Variants in KBTBD2 observed in about 807,000 individuals in gnomAD.
KBTBD2 encodes kelch repeat and BTB domain-containing protein 2.
In KBTBD2, 17 loss-of-function variants were observed where a neutral mutation model predicts 57.1. The ratio of observed to expected loss-of-function variants is 0.30; its 90% confidence interval spans 0.20 to 0.45. The LOEUF is 0.45. Ranked by LOEUF, KBTBD2 falls within the 20% of genes least tolerant of loss-of-function variation. The probability of loss-of-function intolerance (pLI) is 1.00; values close to 1 mark genes in which losing one functional copy is unlikely to be tolerated. For synonymous variants in KBTBD2, 267 were observed against 262.7 expected (o/e 1.02, Z -0.16); for missense variants, 515 against 750.6 (o/e 0.69, Z 3.67).
intron 1 of KBTBD2, among the ~76,000 whole-genome samples, chr7:32,888,576 AAAAC>A (rs1231053246): frequency 1.3e-5 from 2 of 152,100 alleles, no homozygotes; most frequent in Non-Finnish European, 2.9e-5. Flanking sequence ...AAAAACCAAA[AAAAC>A]AAACACCTGG....
chr7:32,884,993 C>CATATAT (rs199650189), intron 1 of KBTBD2, among the ~76,000 whole-genome samples: 3 of 101,332 alleles, frequency 3.0e-5, no homozygotes, highest in South Asian at 3.4e-4. Context: ...TATATATACA[C>CATATAT]ATATATGTGT....
At chr7:32,889,523 C>T (rs531016814) in intron 1 of KBTBD2, among the ~76,000 whole-genome samples, 54 of 152,124 alleles carry the variant, frequency 3.5e-4, no homozygotes, top group Middle Eastern at 3.4e-3. Context: ...ATCACTTGAA[C>T]CCTGAAGGCG....
intron 1 of KBTBD2, among the ~76,000 whole-genome samples, chr7:32,884,976 G>GTATATATATATATACACATATATGTGTA (rs1198007414): frequency 1.5e-5 from 2 of 130,112 alleles, no homozygotes; most frequent in African/African-American, 6.3e-5. Context: ...GTATGTGTGT[G>GTATATATATATATACACATATATGTGTA]TATATATATA....
At chr7:32,873,041 C>T (rs1234490884) in intron 3 of KBTBD2, among the ~76,000 whole-genome samples, 1 of 152,134 alleles carries the variant, frequency 6.6e-6, no homozygotes, top group African/African-American at 2.4e-5. Context: ...TTATTAAGTA[C>T]TTAACAAATA....
intron 2 of KBTBD2, among the ~76,000 whole-genome samples, chr7:32,876,597 C>G (rs887782554): frequency 6.6e-6 from 1 of 152,148 alleles, no homozygotes; most frequent in Non-Finnish European, 1.5e-5. Context: ...AACTGGCTAT[C>G]AGGCTATGAC....
rs115428983 is a variant in KBTBD2, at chr7:32,890,819, C to T, written c.-339+717G>A. The stretch of plus-strand genomic sequence containing the variant: ...TCTACCTTTTGAGGCAGGTAGAGTT[C>T]TTAGATAGCTAAGCCCAAGGGAAAA... On this transcript the variant is annotated intron_variant, in intron 1 of 3. Transcript: ENST00000304056. 6.1e-3 allele frequency among the ~76,000 whole-genome samples: 936 copies of T among 152,248 alleles called. 7 individuals are homozygous for T. The highest frequency in any genetic ancestry group is 0.022 in the African/African-American group (904 of 41,538).
intron 1 of KBTBD2, among the ~76,000 whole-genome samples, chr7:32,887,722 A>G (rs1244831539): frequency 2.6e-5 from 4 of 152,236 alleles, no homozygotes; most frequent in South Asian, 2.1e-4. Context: ...GGCGTTCTCC[A>G]TGGAGGTCAA....
At position 32,875,165 on chromosome 7, in the gene KBTBD2, G is replaced by C; in HGVS notation, c.171-8C>G. ...CCACTCATAAACATGGCCCTACAGG[G>C]GAGATGAAGAAAACAAAGTTGTAAG... On this transcript the variant is annotated splice_polypyrimidine_tract_variant and splice_region_variant and intron_variant, in intron 2 of 3. Coordinates refer to ENST00000304056, the MANE Select transcript of KBTBD2 (RefSeq NM_015483.3). 6.2e-7 allele frequency: 1 copy of C among 1,611,388 alleles called. No homozygotes were observed. Among genetic ancestry groups the C allele is most frequent in the Non-Finnish European group, 8.5e-7 (1 of 1,178,924 alleles).
At chr7:32,886,286 G>C (rs984613717) in intron 1 of KBTBD2, among the ~76,000 whole-genome samples, 1 of 152,066 alleles carries the variant, frequency 6.6e-6, no homozygotes, top group Non-Finnish European at 1.5e-5. Flanking sequence ...ACCTACAGAA[G>C]TCAAAAATTT....
chr7:32,873,384 C>CAAAAAAAAA (rs544661966), intron 3 of KBTBD2, among the ~76,000 whole-genome samples: 1 of 107,760 alleles, frequency 9.3e-6, no homozygotes, highest in Non-Finnish European at 1.9e-5. Context: ...AAGCTCTAAG[C>CAAAAAAAAA]AAAAAAAAAA....
In KBTBD2 at chr7:32,879,781, CTCCTAGGTCA is replaced by C; in HGVS notation, c.-187_-178del. 1.8e-6 allele frequency: 1 copy of C among 547,678 alleles called. No homozygotes were observed. 33.9% of individuals were successfully genotyped at this position (547,678 alleles called of 1,614,324 possible). The stretch of plus-strand genomic sequence containing the variant: ...ATCTTGTTACACAGACTTAGAATCA[CTCCTAGGTCA>C]TCCTGTGTTAATTAGGTTCTTCAGA... On this transcript the variant is annotated 5_prime_UTR_variant, in exon 2 of 4. The change abolishes an upstream ATG in the 5' untranslated region. Transcript: ENST00000304056.
rs569883838 is a variant in KBTBD2, at chr7:32,887,527, A to G, written c.-339+4009T>C. Among the ~76,000 whole-genome samples the G allele has an allele frequency of 3.3e-5, 5 of 152,324 alleles. No individual in the cohort carries two copies. The East Asian group carries it at 9.6e-4, about 29-fold the overall frequency. ...ACAATTATTTGCCAACTAAAAATAA[A>G]ATAAATTATATAGTAGGAATGAAGG... On this transcript the variant is annotated intron_variant, in intron 1 of 3. Coordinates refer to ENST00000304056, the MANE Select transcript of KBTBD2 (RefSeq NM_015483.3).
intron 3 of KBTBD2, among the ~76,000 whole-genome samples, chr7:32,871,248 T>C (rs902485686): frequency 3.3e-5 from 5 of 152,154 alleles, no homozygotes; most frequent in African/African-American, 1.2e-4. Context: ...AAATAAATCA[T>C]AGTATAGAGA....
Position 32,870,161 on chromosome 7 carries a change from C to A in KBTBD2, c.1056G>T (p.Trp352Cys). Residue 352 changes from tryptophan (W) to cysteine (C), a missense_variant, in exon 4 of 4, where the codon TGG (tryptophan) becomes TGT (cysteine). Transcript: ENST00000304056. ...ACCAGGTATTTTGCTGTGCATCAAA[C>A]CAATAAAAGCAATTCACAGTTCTGA... ...TAFRTVNCFYWFDAQQNTWFP... is the reference protein window; with the variant it reads ...TAFRTVNCFYCFDAQQNTWFP... 6.2e-7 allele frequency: 1 copy of A among 1,614,128 alleles called. No individual in the cohort carries two copies. Among genetic ancestry groups the A allele is most frequent in the Non-Finnish European group, 8.5e-7 (1 of 1,180,024 alleles).
In KBTBD2 at chr7:32,875,160, A is replaced by G. The variant is rs1392422419; in HGVS notation, c.171-3T>C. On this transcript the variant is annotated splice_polypyrimidine_tract_variant and splice_region_variant and intron_variant, in intron 2 of 3. Transcript: ENST00000304056. ...TTAGTCCACTCATAAACATGGCCCTACAGGGGAGATGAAGAAAACAAAGTT... is the reference window on the plus strand; with the variant it reads ...TTAGTCCACTCATAAACATGGCCCTGCAGGGGAGATGAAGAAAACAAAGTT... 1.2e-6 allele frequency: 2 copies of G among 1,612,592 alleles called. No homozygotes were observed. Among genetic ancestry groups the G allele is most frequent in the Non-Finnish European group, 8.5e-7 (1 of 1,179,440 alleles).
chr7:32,890,617 G>T (rs1444261728), intron 1 of KBTBD2, among the ~76,000 whole-genome samples: 1 of 152,180 alleles, frequency 6.6e-6, no homozygotes, highest in African/African-American at 2.4e-5. Flanking sequence ...TGAGCCCGAC[G>T]TACAGATTCA....
chr7:32,875,797 A>G (rs1247967560), intron 2 of KBTBD2, among the ~76,000 whole-genome samples: 1 of 152,184 alleles, frequency 6.6e-6, no homozygotes, highest in East Asian at 1.9e-4. Flanking sequence ...CACACAAAAA[A>G]CCACATAGTA....
intron 1 of KBTBD2, among the ~76,000 whole-genome samples, 180 bp downstream of exon 1, chr7:32,891,355 GC>G (rs1170364777): frequency 6.7e-6 from 1 of 148,432 alleles, no homozygotes. Flanking sequence ...GGCGCCGGCC[GC>G]CCGCGCCCCT....
Position 32,869,685 on chromosome 7 carries a change from A to G in KBTBD2, c.1532T>C (p.Met511Thr). Residue 511 changes from methionine (M) to threonine (T), a missense_variant, in exon 4 of 4, where the codon ATG (methionine) becomes ACG (threonine). Physicochemically the swap from Met to Thr is moderately conservative, Grantham distance 81 (BLOSUM62 -1). Coordinates refer to ENST00000304056, the MANE Select transcript of KBTBD2 (RefSeq NM_015483.3). ...IYDVNKNEWK[M>T]AANIPAKRYS... ...CCTCTTAGCAGGGATGTTGGCTGCC[A>G]TTTTCCACTCATTTTTATTCACATC... 6.2e-7 allele frequency: 1 copy of G among 1,614,122 alleles called. No homozygotes were observed. Among genetic ancestry groups the G allele is most frequent in the Non-Finnish European group, 8.5e-7 (1 of 1,180,004 alleles).
Sources: allele counts gnomAD v4.1 joint callset (sites outside exome capture counted in the v4.1 genomes callset), GRCh38; gene constraint gnomAD v4.1.1; transcripts MANE v1.5; gene names NCBI Gene and HGNC (gene_info 2026-07-23, HGNC 2026-07-21).